CNTLN: variants seen among roughly 807,000 people sequenced by gnomAD.
CNTLN encodes the protein centlein, centrosomal protein.
In CNTLN, 212 loss-of-function variants were observed where a neutral mutation model predicts 180.0. That is an observed-to-expected ratio of 1.18 (90% confidence interval 1.05 to 1.32). CNTLN has a LOEUF of 1.32. Ranked by LOEUF, CNTLN falls within the 40% of genes most tolerant of loss-of-function variation. The pLI, the probability that CNTLN is intolerant of heterozygous loss-of-function variation, is 0.00. For missense variants in CNTLN, 2,095 were observed against 1,610.9 expected, an observed-to-expected ratio of 1.30 and a Z score of -5.14; for synonymous variants, 722 against 563.1, an observed-to-expected ratio of 1.28 and a Z score of -3.99.
Position 17,226,257 on chromosome 9 carries a change from C to T in CNTLN, c.504C>T (p.Val168=). 6.3e-7 allele frequency: 1 copy of T among 1,576,784 alleles called. No homozygotes were observed. Among genetic ancestry groups the T allele is most frequent in the South Asian group, 1.2e-5 (1 of 83,532 alleles). ...KDRKVLEILQ[V]KDAKIQEFEQ... ...GAAAAGTTCTAGAAATTCTGCAAGTCAAGGATGCCAAAATACAAGAATTTG... is the reference window on the plus strand; with the variant it reads ...GAAAAGTTCTAGAAATTCTGCAAGTTAAGGATGCCAAAATACAAGAATTTG... Residue 168 remains valine (V), a synonymous_variant, in exon 3 of 26, where the codon GTC becomes GTT. Coordinates refer to ENST00000380647, the MANE Select transcript of CNTLN (RefSeq NM_017738.4).
intron 18 of CNTLN, among the ~76,000 whole-genome samples, 195 bp downstream of exon 18, chr9:17,416,384 A>T (rs1828252019): frequency 6.6e-6 from 1 of 152,212 alleles, no homozygotes; most frequent in Admixed American, 6.5e-5. Flanking sequence ...GATAACATAC[A>T]TGAGGGAAGG....
intron 2 of CNTLN, among the ~76,000 whole-genome samples, chr9:17,149,830 T>C (rs1018259312): frequency 2.0e-5 from 3 of 152,186 alleles, no homozygotes; most frequent in African/African-American, 7.2e-5. Flanking sequence ...TTCCTGACTT[T>C]TTAATGATCA....
At position 17,332,707 on chromosome 9, in the gene CNTLN, T is replaced by G; in HGVS notation, c.1621T>G (p.Leu541Val). The change falls in exon 10 of 26, where the codon TTA (leucine) becomes GTA (valine). Residue 541 changes from leucine to valine, a missense_variant. Leu to Val is a conservative substitution (Grantham distance 32, BLOSUM62 1). Coordinates refer to ENST00000380647, the MANE Select transcript of CNTLN (RefSeq NM_017738.4). ...LRKAERKIEN[L>V]EKALQLKSQE... is the part of the protein sequence containing the mutation. ...AAAAGCTGAAAGAAAGATTGAAAACTTAGAGAAGGCACTACAACTAAAGGT... is the reference window on the plus strand; with the variant it reads ...AAAAGCTGAAAGAAAGATTGAAAACGTAGAGAAGGCACTACAACTAAAGGT... 2 of 1,604,144 alleles carry G rather than the reference T, an allele frequency of 1.2e-6. No individual in the cohort carries two copies.
chr9:17,477,073 A>G (rs557962733), intron 23 of CNTLN, among the ~76,000 whole-genome samples: 10 of 152,200 alleles, frequency 6.6e-5, no homozygotes, highest in Non-Finnish European at 1.3e-4. Context: ...GAATTATGCT[A>G]AATCTACTGT....
At chr9:17,253,377 T>C (rs148920984) in intron 5 of CNTLN, among the ~76,000 whole-genome samples, 11 of 151,904 alleles carry the variant, frequency 7.2e-5, no homozygotes, top group African/African-American at 2.6e-4. Flanking sequence ...TTTAACAATA[T>C]TAATTAATCT....
At chr9:17,135,665 G>C (rs1817663349) in intron 1 of CNTLN, among the ~76,000 whole-genome samples, 1 of 152,170 alleles carries the variant, frequency 6.6e-6, no homozygotes, top group African/African-American at 2.4e-5. Flanking sequence ...CCGCGCCCGG[G>C]TTTGGTTTTG....
intron 1 of CNTLN, among the ~76,000 whole-genome samples, chr9:17,141,663 AGACGGAATTGACTTGGAC>A (rs1302939212): frequency 1.3e-5 from 2 of 152,202 alleles, no homozygotes; most frequent in African/African-American, 4.8e-5. Context: ...GCTGGGCAAG[AGACGGAATTGACTTGGAC>A]TAGGGCGATA....
At chr9:17,259,272 T>C (rs1277117152) in intron 5 of CNTLN, among the ~76,000 whole-genome samples, 8 of 148,382 alleles carry the variant, frequency 5.4e-5, no homozygotes, top group Non-Finnish European at 1.0e-4. Context: ...TATGCTGGAT[T>C]ACATTTATTG....
chr9:17,447,651 C>G (rs1830523252), intron 18 of CNTLN: 1 of 153,466 alleles, frequency 6.5e-6, no homozygotes, highest in Non-Finnish European at 1.5e-5. Context: ...AGTTCAAAAT[C>G]TTTGATGAAG....
At position 17,280,447 on chromosome 9, in the gene CNTLN, C is replaced by G. The variant is rs142281967; in HGVS notation, c.983+6581C>G. 3.7e-3 allele frequency among the ~76,000 whole-genome samples: 564 copies of G among 151,680 alleles called. 2 individuals are homozygous for G. The highest frequency in any genetic ancestry group is 0.012 in the African/African-American group (501 of 41,328). On this transcript the variant is annotated intron_variant, in intron 6 of 25. Coordinates refer to ENST00000380647, the MANE Select transcript of CNTLN (RefSeq NM_017738.4). ...CTTTGTATCAATCCTTTTTTATTAT[C>G]TTTTTCATTTCATTCATTCAACAAC...
At chr9:17,238,918 G>T (rs1825319142) in intron 5 of CNTLN, among the ~76,000 whole-genome samples, 1 of 152,172 alleles carries the variant, frequency 6.6e-6, no homozygotes, top group African/African-American at 2.4e-5. Flanking sequence ...AGCTGCGACA[G>T]TTTACATTCA....
intron 3 of CNTLN, among the ~76,000 whole-genome samples, chr9:17,229,545 T>C (rs1207822984): frequency 6.6e-6 from 1 of 152,082 alleles, no homozygotes; most frequent in Admixed American, 6.6e-5. Flanking sequence ...TTGCAAATCC[T>C]AAGGTAGCCT....
At chr9:17,432,462 A>T (rs896432370) in intron 18 of CNTLN, among the ~76,000 whole-genome samples, 1 of 152,212 alleles carries the variant, frequency 6.6e-6, no homozygotes. Context: ...AGAATAATTT[A>T]TTCAGAAAAT....
intron 5 of CNTLN, among the ~76,000 whole-genome samples, chr9:17,267,622 C>G (rs1827579565): frequency 6.6e-6 from 1 of 152,022 alleles, no homozygotes; most frequent in Non-Finnish European, 1.5e-5. Context: ...TGGATAATAT[C>G]CTGCAGAGTG....
At chr9:17,486,209 T>A (rs1414767734) in intron 24 of CNTLN, among the ~76,000 whole-genome samples, 3 of 152,170 alleles carry the variant, frequency 2.0e-5, no homozygotes, top group Non-Finnish European at 2.9e-5. Context: ...TTATGTTCTT[T>A]ACACTATATC....
At chr9:17,278,710 G>A (rs902452165) in intron 6 of CNTLN, among the ~76,000 whole-genome samples, 5 of 151,942 alleles carry the variant, frequency 3.3e-5, no homozygotes, top group Non-Finnish European at 5.9e-5. Context: ...AATGATAAAC[G>A]TGAATTATGT....
intron 2 of CNTLN, among the ~76,000 whole-genome samples, chr9:17,198,386 C>CTTTTTTTTTTT (rs61209273): frequency 1.6e-4 from 18 of 109,722 alleles, no homozygotes; most frequent in East Asian, 5.4e-4. Context: ...TCTTTTCTTT[C>CTTTTTTTTTTT]TTTTTTTTTT....
At chr9:17,456,149 TA>T (rs1346795044) in intron 18 of CNTLN, among the ~76,000 whole-genome samples, 1 of 152,072 alleles carries the variant, frequency 6.6e-6, no homozygotes, top group Non-Finnish European at 1.5e-5. Context: ...ATTGGATGAA[TA>T]AATAGAGAAT....
chr9:17,368,994 C>T (rs1445652012), intron 13 of CNTLN, among the ~76,000 whole-genome samples: 1 of 152,186 alleles, frequency 6.6e-6, no homozygotes, highest in African/African-American at 2.4e-5. Context: ...AGCAAACATC[C>T]ATAAGGATCA....
Sources: allele counts gnomAD v4.1 joint callset (sites outside exome capture counted in the v4.1 genomes callset), GRCh38; gene constraint gnomAD v4.1.1; transcripts MANE v1.5; gene names NCBI Gene and HGNC (gene_info 2026-07-23, HGNC 2026-07-21).